NELL2: variants seen among roughly 807,000 people sequenced by gnomAD.
NELL2 encodes neural EGFL like 2.
In NELL2, 41 loss-of-function variants were observed where a neutral mutation model predicts 109.6. The observed-to-expected ratio is 0.37, with a 90% CI of 0.29 to 0.49. The LOEUF is 0.49. Among genes scored for constraint, NELL2 ranks in the 20% least tolerant of loss-of-function variants. NELL2 has a pLI of 0.98. For synonymous variants in NELL2, 355 were observed against 344.7 expected, an observed-to-expected ratio of 1.03 and a Z score of -0.33; for missense variants, 900 against 1,008.3, an observed-to-expected ratio of 0.89 and a Z score of 1.45.
intron 9 of NELL2, among the ~76,000 whole-genome samples, chr12:44,736,560 T>G (rs1939665192): frequency 6.6e-6 from 1 of 151,210 alleles, no homozygotes; most frequent in African/African-American, 2.4e-5. Context: ...GAATTGTACA[T>G]ATGTGCTTTC....
chr12:44,842,694 T>C (rs1944263270), intron 2 of NELL2, among the ~76,000 whole-genome samples: 1 of 152,156 alleles, frequency 6.6e-6, no homozygotes, highest in Admixed American at 6.5e-5. Flanking sequence ...TCATGCCCAC[T>C]GGAACTTCAG....
intron 15 of NELL2, among the ~76,000 whole-genome samples, chr12:44,561,798 T>C (rs1485530492): frequency 6.6e-6 from 1 of 152,184 alleles, no homozygotes; most frequent in African/African-American, 2.4e-5. Flanking sequence ...TTGACTTTTT[T>C]CACAGAATTA....
chr12:44,583,009 T>TA (rs1944375691), intron 15 of NELL2, among the ~76,000 whole-genome samples: 1 of 152,148 alleles, frequency 6.6e-6, no homozygotes, highest in South Asian at 2.1e-4. Flanking sequence ...CGAAGGCCCT[T>TA]ACCACATGTG....
rs80016483 is a variant in NELL2 at position 44,814,735 on chromosome 12, G to A, written c.335+1251C>T. Among the ~76,000 whole-genome samples, 147 of 152,300 alleles carry A rather than the reference G, an allele frequency of 9.7e-4. 2 individuals are homozygous for A. In the East Asian group the frequency reaches 0.016, roughly 16 times the overall value. ...GGGGCCTCAAGCCCCAAGAGCAAGC[G>A]AGATAGTATGTCCCTAGGAACCTTC... On this transcript the variant is annotated intron_variant, in intron 3 of 19. Coordinates refer to ENST00000429094, the MANE Select transcript of NELL2 (RefSeq NM_001145108.2).
At chr12:44,597,527 C>T (rs968691170) in intron 15 of NELL2, among the ~76,000 whole-genome samples, 2 of 152,206 alleles carry the variant, frequency 1.3e-5, no homozygotes, top group African/African-American at 2.4e-5. Flanking sequence ...GCACATTATA[C>T]TTTTGGCTCA....
At chr12:44,815,594 T>C (rs1335042354) in intron 3 of NELL2, among the ~76,000 whole-genome samples, 1 of 152,234 alleles carries the variant, frequency 6.6e-6, no homozygotes, top group Non-Finnish European at 1.5e-5. Flanking sequence ...TTGTATAATG[T>C]AACAAAACCA....
intron 2 of NELL2, among the ~76,000 whole-genome samples, chr12:44,819,970 C>T (rs551585692): frequency 6.6e-6 from 1 of 152,180 alleles, no homozygotes; most frequent in East Asian, 1.9e-4. Flanking sequence ...AGAGAGAAAA[C>T]CCAGCTTGAT....
At chr12:44,617,647 C>T (rs1271142100) in intron 13 of NELL2, among the ~76,000 whole-genome samples, 2 of 91,108 alleles carry the variant, frequency 2.2e-5, no homozygotes, top group East Asian at 5.2e-4. Flanking sequence ...AGCCGAGATC[C>T]CGCCACTGCA....
rs759287424 is a variant in NELL2, at chr12:44,508,687, T to C, written c.*247A>G. On this transcript the variant is annotated 3_prime_UTR_variant, in exon 20 of 20. Coordinates refer to ENST00000429094, the MANE Select transcript of NELL2 (RefSeq NM_001145108.2). ...GTTCAGGATGTCACGGTATATACTG[T>C]ACGCCCATTCTTCTACATGGTGATG... 2.0e-6 allele frequency: 1 copy of C among 496,886 alleles called. No homozygotes were observed. Among genetic ancestry groups the C allele is most frequent in the Non-Finnish European group, 3.7e-6 (1 of 272,784 alleles). The allele number at this position is 496,886 out of a possible 1,614,324, so 30.8% of individuals were successfully genotyped here.
intron 6 of NELL2, 25 bp downstream of exon 6, chr12:44,777,217 A>G: frequency 1.9e-6 from 3 of 1,610,484 alleles, no homozygotes; most frequent in Admixed American, 3.3e-5. Flanking sequence ...TGGGGACTCC[A>G]CAGTGCAAGA....
At chr12:44,852,415 T>G (rs944170105) in intron 2 of NELL2, among the ~76,000 whole-genome samples, 1 of 152,206 alleles carries the variant, frequency 6.6e-6, no homozygotes, top group African/African-American at 2.4e-5. Context: ...AGCTCAGCAT[T>G]TGCACCTCTA....
At chr12:44,522,501 T>C (rs560298215) in intron 17 of NELL2, among the ~76,000 whole-genome samples, 2 of 152,190 alleles carry the variant, frequency 1.3e-5, no homozygotes, top group Non-Finnish European at 2.9e-5. Context: ...TATATTAGTA[T>C]GGTAAGTTGC....
chr12:44,895,134 T>C (rs1366254141), intron 1 of NELL2, among the ~76,000 whole-genome samples: 1 of 152,184 alleles, frequency 6.6e-6, no homozygotes, highest in Non-Finnish European at 1.5e-5. Flanking sequence ...AGAAGCCTGA[T>C]GGAGAAAGGA....
At chr12:44,518,570 A>C (rs2138975382) in intron 19 of NELL2, among the ~76,000 whole-genome samples, 1 of 152,216 alleles carries the variant, frequency 6.6e-6, no homozygotes, top group South Asian at 2.1e-4. Context: ...ACCCCAGAAA[A>C]CAGTCTGAGT....
intron 3 of NELL2, among the ~76,000 whole-genome samples, chr12:44,801,694 G>A (rs1942834065): frequency 6.6e-6 from 1 of 152,074 alleles, no homozygotes; most frequent in African/African-American, 2.4e-5. Context: ...TCCATATAAG[G>A]AATTTAGGGA....
chr12:44,534,322 C>CA (rs1942208706), intron 15 of NELL2, among the ~76,000 whole-genome samples: 1 of 151,990 alleles, frequency 6.6e-6, no homozygotes, highest in Non-Finnish European at 1.5e-5. Flanking sequence ...AGGTAATAGG[C>CA]AAAAAATATT....
chr12:44,839,177 G>A (rs1944146315), intron 2 of NELL2, among the ~76,000 whole-genome samples: 1 of 152,084 alleles, frequency 6.6e-6, no homozygotes, highest in African/African-American at 2.4e-5. Context: ...AGACTGTTAT[G>A]TGCCATTGTA....
intron 16 of NELL2, among the ~76,000 whole-genome samples, chr12:44,530,014 C>T (rs1941969219): frequency 6.6e-6 from 1 of 152,044 alleles, no homozygotes; most frequent in African/African-American, 2.4e-5. Context: ...TTGAAAAAGA[C>T]TTAACTATAT....
intron 11 of NELL2, among the ~76,000 whole-genome samples, chr12:44,707,434 C>T (rs189232872): frequency 1.3e-4 from 20 of 152,226 alleles, no homozygotes; most frequent in Admixed American, 1.2e-3. Flanking sequence ...CTGAGAGATG[C>T]ATCAAGACAA....
Sources: allele counts gnomAD v4.1 joint callset (sites outside exome capture counted in the v4.1 genomes callset), GRCh38; gene constraint gnomAD v4.1.1; transcripts MANE v1.5; gene names NCBI Gene and HGNC (gene_info 2026-07-23, HGNC 2026-07-21).